MMP9: variants seen among roughly 807,000 people sequenced by gnomAD.
MMP9 encodes the protein matrix metallopeptidase 9, also known as matrix metalloproteinase-9.
In MMP9, 73 loss-of-function variants were observed where a neutral mutation model predicts 76.4. That is an observed-to-expected ratio of 0.96 (90% CI 0.79 to 1.16). The LOEUF is 1.16. MMP9 is among the 50% of genes most tolerant of loss of function. The pLI is 0.00. For missense variants in MMP9, 943 were observed against 973.0 expected (o/e 0.97, Z 0.41); for synonymous variants, 412 against 408.4 (o/e 1.01, Z -0.11).
At position 46,014,437 on chromosome 20, in the gene MMP9, G is replaced by A. The variant is rs769908895; in HGVS notation, c.1968G>A (p.Gly656=). ...GCGAGGTGGACCGGATGTTCCCCGG[G>A]GTGCCTTTGGACACGCACGACGTCT... ...SASEVDRMFP[G]VPLDTHDVFQ... Residue 656 remains glycine, a synonymous_variant, in exon 12 of 13, where the codon GGG becomes GGA. Transcript: ENST00000372330. 2 of 1,550,506 alleles carry A rather than the reference G, an allele frequency of 1.3e-6. No homozygotes were observed. Among genetic ancestry groups the A allele is most frequent in the South Asian group, 2.4e-5 (2 of 84,058 alleles).
chr20:46,013,312 C>A lies in MMP9; in HGVS notation c.1388C>A (p.Ala463Asp), dbSNP rs759506867. 1.9e-6 allele frequency: 3 copies of A among 1,613,988 alleles called. No homozygotes were observed. The South Asian group carries it at 3.3e-5, about 18-fold the overall frequency. The change falls in exon 9 of 13, where the codon GCT becomes GAT. Residue 463 changes from alanine (A) to aspartate (D), a missense_variant. By Grantham distance (126) the Ala-to-Asp change is moderately radical (BLOSUM62 -2). Transcript: ENST00000372330. This position sits in a 1 kb window ranked among gnomAD's most constrained non-coding sequence, Gnocchi z 4.5. Reference sequence around the variant, plus strand: ...ACCACCACCACACCGCAGCCCACGGCTCCCCCGACGGTCTGCCCCACCGGA... The same window carrying A: ...ACCACCACCACACCGCAGCCCACGGATCCCCCGACGGTCTGCCCCACCGGA... ...PPTTTTPQPT[A>D]PPTVCPTGPP...
intron 5 of MMP9, 33 bp downstream of exon 5, chr20:46,011,349 G>A: frequency 2.5e-6 from 4 of 1,594,262 alleles, no homozygotes; most frequent in South Asian, 1.1e-5. Flanking sequence ...GGCTGGGGGC[G>A]CCCACCACCC....
chr20:46,009,363 T>G (rs1253975575), intron 1 of MMP9, among the ~76,000 whole-genome samples: 1 of 151,936 alleles, frequency 6.6e-6, no homozygotes, highest in African/African-American at 2.4e-5. Flanking sequence ...GGGGCAAACC[T>G]TATGCAGCTG....
chr20:46,010,228 T>C, intron 2 of MMP9, 130 bp downstream of exon 2: 2 of 901,712 alleles, frequency 2.2e-6, no homozygotes, highest in Non-Finnish European at 3.3e-6. Flanking sequence ...CCCTGGGGAG[T>C]GTCCCCACCT....
intron 12 of MMP9, 111 bp from the exon 13 acceptor site, chr20:46,016,139 C>T: frequency 9.2e-7 from 1 of 1,085,728 alleles, no homozygotes; most frequent in Non-Finnish European, 1.4e-6. Flanking sequence ...ATGTGAAAAC[C>T]TTAGAAAGTT....
chr20:46,014,884 G>T, intron 12 of MMP9: 1 of 201,018 alleles, frequency 5.0e-6, no homozygotes, highest in Non-Finnish European at 1.0e-5. Context: ...CTGTAATATG[G>T]GGACTATAGC....
In MMP9 at chr20:46,010,549, A is replaced by G. The variant is rs1414262275; in HGVS notation, c.438A>G (p.Ala146=). The change falls in exon 3 of 13, where the codon GCA becomes GCG. Residue 146 remains alanine, a synonymous_variant. Coordinates refer to ENST00000372330, the MANE Select transcript of MMP9 (RefSeq NM_004994.3). The stretch of plus-strand genomic sequence containing the variant: ...ACGACGCCTTTGCCCGCGCCTTCGC[A>G]CTGTGGAGCGCGGTGACGCCGCTCA... ...VIDDAFARAF[A]LWSAVTPLTF... 2.5e-6 allele frequency: 4 copies of G among 1,614,182 alleles called. No individual in the cohort carries two copies. The highest frequency in any genetic ancestry group is 2.7e-5 in the African/African-American group (2 of 75,056).
At position 46,013,404 on chromosome 20, in the gene MMP9, A is replaced by C; in HGVS notation, c.1480A>C (p.Thr494Pro). ...CACAGGTCCCCCCTCAGCTGGCCCC[A>C]CAGGTCCCCCCACTGCTGGCCCTTC... ...GPTGPPSAGPTGPPTAGPSTA... is the reference protein window; with the variant it reads ...GPTGPPSAGPPGPPTAGPSTA... Residue 494 changes from threonine to proline, a missense_variant, in exon 9 of 13, where the codon ACA (threonine) becomes CCA (proline). By Grantham distance (38) the Thr-to-Pro change is conservative. Transcript: ENST00000372330. The surrounding 1 kb of genome is among the most constrained non-coding windows in gnomAD (Gnocchi z 4.5). 1 of 1,594,794 alleles carries C rather than the reference A, an allele frequency of 6.3e-7. No individual in the cohort carries two copies. The highest frequency in any genetic ancestry group is 2.2e-5 in the East Asian group (1 of 44,470).
chr20:46,009,784 G>A, intron 1 of MMP9, 82 bp from the exon 2 acceptor site: 1 of 1,162,354 alleles, frequency 8.6e-7, no homozygotes, highest in South Asian at 1.3e-5. Context: ...CCCTCCATGA[G>A]TGTCTGGAGG....
At position 46,013,985 on chromosome 20, in the gene MMP9, C is replaced by A; in HGVS notation, c.1751-139C>A. 1 of 1,434,070 alleles carries A rather than the reference C, an allele frequency of 7.0e-7. No individual in the cohort carries two copies. The highest frequency in any genetic ancestry group is 9.4e-7 in the Non-Finnish European group (1 of 1,065,058). 88.8% of individuals were successfully genotyped at this position (1,434,070 alleles called of 1,614,324 possible). On this transcript the variant is annotated intron_variant, in intron 10 of 12. Coordinates refer to ENST00000372330, the MANE Select transcript of MMP9 (RefSeq NM_004994.3). This position sits in a 1 kb window ranked among gnomAD's most constrained non-coding sequence, Gnocchi z 4.5. ...CTCTCCACGCCCTCGCGTCGCTCTA[C>A]CCAGCGCCTCTGCCCCTGGGTTGCA...
Position 46,012,260 on chromosome 20 carries a change from C to T in MMP9, c.1121C>T (p.Ala374Val). 9 of 1,614,062 alleles carry T rather than the reference C, an allele frequency of 5.6e-6. No individual in the cohort carries two copies. The highest frequency in any genetic ancestry group is 7.6e-6 in the Non-Finnish European group (9 of 1,180,056). Residue 374 changes from alanine to valine, a missense_variant, in exon 7 of 13, where the codon GCT (alanine) becomes GTT (valine). Physicochemically the swap from Ala to Val is moderately conservative, Grantham distance 64 (BLOSUM62 0). Transcript: ENST00000372330. ...CGCGGAGATGGGCGCCTCTGGTGCG[C>T]TACCACCTCGAACTTTGACAGCGAC... ...EGRGDGRLWCATTSNFDSDKK... is the reference protein window; with the variant it reads ...EGRGDGRLWCVTTSNFDSDKK...
At position 46,013,559 on chromosome 20, in the gene MMP9, G is replaced by A. The variant is rs201880215; in HGVS notation, c.1610+25G>A. 1.7e-4 allele frequency: 270 copies of A among 1,612,248 alleles called. 1 individual carries two copies. The African/African-American group carries it at 3.0e-3, about 18-fold the overall frequency. On this transcript the variant is annotated intron_variant, in intron 9 of 12. Transcript: ENST00000372330. The surrounding 1 kb of genome is among the most constrained non-coding windows in gnomAD (Gnocchi z 4.5). ...GGTGAGGAGGCGGGGTTGTGTGGAT[G>A]CGGGAGGGGGCTTTGCGGAGGGGCT...
chr20:46,014,682 C>A, intron 12 of MMP9: 1 of 622,750 alleles, frequency 1.6e-6, no homozygotes, highest in Non-Finnish European at 2.8e-6. Context: ...TCCTGCCTCC[C>A]CGGCTGGAAG....
At chr20:46,010,218 C>T in intron 2 of MMP9, 120 bp downstream of exon 2, 1 of 988,996 alleles carries the variant, frequency 1.0e-6, no homozygotes, top group Non-Finnish European at 1.5e-6. Flanking sequence ...AATGTGTGGC[C>T]CCTGGGGAGT....
intron 8 of MMP9, 137 bp downstream of exon 8, chr20:46,012,719 G>A: frequency 7.6e-7 from 1 of 1,311,554 alleles, no homozygotes; most frequent in Non-Finnish European, 1.1e-6. Context: ...TCTGGAAGCA[G>A]AGCCTGGGCC....
rs1326291859 is a variant in MMP9 at position 46,010,994 on chromosome 20, T to A, written c.593T>A (p.Ile198Asn). 1.2e-6 allele frequency: 2 copies of A among 1,614,048 alleles called. No homozygotes were observed. The highest frequency in any genetic ancestry group is 3.3e-5 in the Admixed American group (2 of 60,004). ...CACGCCTTTCCTCCTGGCCCCGGCA[T>A]TCAGGGAGACGCCCATTTCGACGAT... ...LAHAFPPGPG[I>N]QGDAHFDDDE... The change falls in exon 4 of 13, where the codon ATT becomes AAT. Residue 198 changes from isoleucine to asparagine, a missense_variant. By Grantham distance (149) the Ile-to-Asn change is moderately radical (BLOSUM62 -3). Transcript: ENST00000372330.
At chr20:46,010,221 T>A in intron 2 of MMP9, 123 bp downstream of exon 2, 1 of 947,262 alleles carries the variant, frequency 1.1e-6, no homozygotes, top group Non-Finnish European at 1.5e-6. Flanking sequence ...GTGTGGCCCC[T>A]GGGGAGTGTC....
chr20:46,014,266 C>G lies in MMP9; in HGVS notation c.1893C>G (p.Arg631=). 6.6e-7 allele frequency: 1 copy of G among 1,524,772 alleles called. No individual in the cohort carries two copies. Among genetic ancestry groups the G allele is most frequent in the South Asian group, 1.2e-5 (1 of 82,108 alleles). 94.5% of individuals were successfully genotyped at this position (1,524,772 alleles called of 1,614,324 possible). ...RGKMLLFSGR[R]LWRFDVKAQM... ...AGATGCTGCTGTTCAGCGGGCGGCG[C>G]CTCTGGAGGTGAGCGCCGCCGCGGC... Residue 631 remains arginine (R), a synonymous_variant, in exon 11 of 13, where the codon CGC becomes CGG. Transcript: ENST00000372330.
At position 46,011,259 on chromosome 20, in the gene MMP9, T is replaced by G; in HGVS notation, c.766T>G (p.Cys256Gly). Reference protein sequence around the residue: ...TDGRSDGLPWCSTTANYDTDD... With the variant: ...TDGRSDGLPWGSTTANYDTDD... ...CGGTCGCTCCGACGGCTTGCCCTGG[T>G]GCAGTACCACGGCCAACTACGACAC... is the stretch of plus-strand genomic sequence containing the variant. Residue 256 changes from cysteine (C) to glycine (G), a missense_variant, in exon 5 of 13, where the codon TGC becomes GGC. Coordinates refer to ENST00000372330, the MANE Select transcript of MMP9 (RefSeq NM_004994.3). The G allele has an allele frequency of 6.2e-7, 1 of 1,612,372 alleles. No individual in the cohort carries two copies. The highest frequency in any genetic ancestry group is 8.5e-7 in the Non-Finnish European group (1 of 1,179,812).
Sources: allele counts gnomAD v4.1 joint callset (sites outside exome capture counted in the v4.1 genomes callset), GRCh38; gene constraint gnomAD v4.1.1; non-coding constraint Gnocchi (gnomAD v3.1); transcripts MANE v1.5; gene names NCBI Gene and HGNC (gene_info 2026-07-23, HGNC 2026-07-21).